Variants in COL20A1 observed in about 807,000 individuals in gnomAD.
COL20A1 encodes the protein collagen alpha-1(XX) chain.
COL20A1 carries 164 observed loss-of-function variants against 152.9 expected under a neutral mutation model. That is an observed-to-expected ratio of 1.07 (90% CI 0.94 to 1.22). The LOEUF is 1.22. Ranked by LOEUF, COL20A1 falls within the 50% of genes most tolerant of loss-of-function variation. The pLI, the probability that COL20A1 is intolerant of heterozygous loss-of-function variation, is 0.00. For synonymous variants in COL20A1, 864 were observed against 756.0 expected, an observed-to-expected ratio of 1.14 and a Z score of -2.34; for missense variants, 1,873 against 1,744.8, an observed-to-expected ratio of 1.07 and a Z score of -1.31.
In COL20A1 at chr20:63,329,626, CAG is replaced by C. The variant is rs779407307; in HGVS notation, c.3824_3825del (p.Gln1275ArgfsTer3). The C allele has an allele frequency of 6.2e-7, 1 of 1,606,112 alleles. No homozygotes were observed. The highest frequency in any genetic ancestry group is 1.3e-5 in the African/African-American group (1 of 74,842). On this transcript the variant is annotated frameshift_variant, in exon 35 of 36. Coordinates refer to ENST00000358894, the MANE Select transcript of COL20A1 (RefSeq NM_020882.4). LOFTEE classifies it high-confidence loss of function. The stretch of plus-strand genomic sequence containing the variant: ...TGGTCAGATGGGCAGCCCTGGGCAG[CAG>C]GGGGCTAGCACCCAGGGCCTCTGGG... Reference protein sequence around the residue: ...AVGQMGSPGQQGASTQGLWE With the variant: ...AVGQMGSPGQXGASTQGLWE
At chr20:63,322,834 T>C (rs530249360) in intron 27 of COL20A1, among the ~76,000 whole-genome samples, 1 of 152,312 alleles carries the variant, frequency 6.6e-6, no homozygotes, top group South Asian at 2.1e-4. Flanking sequence ...CACATCCCCG[T>C]GAGCAAAGAC....
intron 27 of COL20A1, chr20:63,325,065 C>T (rs1438883920): frequency 2.7e-6 from 1 of 370,146 alleles, no homozygotes; most frequent in East Asian, 7.1e-5. Flanking sequence ...GCTCTGCAGA[C>T]CCCTGCTGTG....
chr20:63,304,958 T>G (rs963873367), intron 3 of COL20A1, among the ~76,000 whole-genome samples: 1 of 152,186 alleles, frequency 6.6e-6, no homozygotes, highest in Admixed American at 6.5e-5. Context: ...GACCTAACTT[T>G]AGAATCATGG....
intron 2 of COL20A1, among the ~76,000 whole-genome samples, chr20:63,296,547 G>A (rs56060304): frequency 0.091 from 13,875 of 152,270 alleles, 699 homozygotes; most frequent in Non-Finnish European, 0.12. Context: ...GGAGGGGAGC[G>A]TGGTCCTGGG....
intron 21 of COL20A1, among the ~76,000 whole-genome samples, chr20:63,317,796 T>G (rs2068104396): frequency 6.6e-6 from 1 of 151,896 alleles, no homozygotes; most frequent in South Asian, 2.1e-4. Flanking sequence ...ATAGTTGCCC[T>G]CTGCCCTCCT....
At chr20:63,316,853 A>C (rs2068091691) in intron 21 of COL20A1, among the ~76,000 whole-genome samples, 162 bp downstream of exon 21, 1 of 152,230 alleles carries the variant, frequency 6.6e-6, no homozygotes, top group African/African-American at 2.4e-5. Context: ...CCCAGTACTC[A>C]CACTTCAGAA....
chr20:63,314,083 A>T lies in COL20A1; in HGVS notation c.2370A>T (p.Pro790=). ...CTCCCTTCTCCTAGGTCTCTGTGCC[A>T]GGAGCCAGGAGCCACGTGACACTGC... is the stretch of plus-strand genomic sequence containing the variant. ...GLGPEKSVSV[P]GARSHVTLPD... Residue 790 remains proline (P), a synonymous_variant, in exon 19 of 36, where the codon CCA becomes CCT. Transcript: ENST00000358894. 4 of 1,612,754 alleles carry T rather than the reference A, an allele frequency of 2.5e-6. No homozygotes were observed. The Middle Eastern group carries it at 5.0e-4, about 200-fold the overall frequency.
chr20:63,305,408 C>G lies in COL20A1; in HGVS notation c.194-9C>G, dbSNP rs2123386969. ...CTTGGCCTCTAAAGCTCTCCCCACC[C>G]CTACCCAGGGGACTCGGAACAGGAG... On this transcript the variant is annotated splice_polypyrimidine_tract_variant and intron_variant, in intron 3 of 35. Transcript: ENST00000358894. This position sits in a 1 kb window ranked among gnomAD's most constrained non-coding sequence, Gnocchi z 4.9. 1 of 1,507,188 alleles carries G rather than the reference C, an allele frequency of 6.6e-7. No homozygotes were observed. Among genetic ancestry groups the G allele is most frequent in the Non-Finnish European group, 8.8e-7 (1 of 1,131,716 alleles). The allele number at this position is 1,507,188 out of a possible 1,614,324, so 93.4% of individuals were successfully genotyped here.
intron 3 of COL20A1, among the ~76,000 whole-genome samples, 192 bp downstream of exon 3, chr20:63,298,212 G>A (rs2067823368): frequency 6.6e-6 from 1 of 152,236 alleles, no homozygotes; most frequent in Non-Finnish European, 1.5e-5. Context: ...AAGAGGGAAT[G>A]GGGCTCCTCT....
chr20:63,320,429 T>G (rs2123423392), intron 25 of COL20A1, 61 bp downstream of exon 25: 1 of 1,516,124 alleles, frequency 6.6e-7, no homozygotes, highest in Non-Finnish European at 9.1e-7. Flanking sequence ...CCACTGAGGG[T>G]CACAGTGCCT....
intron 31 of COL20A1, among the ~76,000 whole-genome samples, 187 bp downstream of exon 31, chr20:63,327,010 C>G (rs1343700803): frequency 3.9e-5 from 6 of 152,038 alleles, no homozygotes; most frequent in African/African-American, 1.2e-4. Flanking sequence ...CCTGGAACTT[C>G]CTGTTGACCC....
At chr20:63,323,903 T>C (rs2068205859) in intron 27 of COL20A1, among the ~76,000 whole-genome samples, 1 of 152,250 alleles carries the variant, frequency 6.6e-6, no homozygotes, top group South Asian at 2.1e-4. Flanking sequence ...AGTTGGTGTT[T>C]TTACTGGAAC....
At position 63,311,465 on chromosome 20, in the gene COL20A1, C is replaced by A; in HGVS notation, c.1465C>A (p.Pro489Thr). 1 of 1,574,276 alleles carries A rather than the reference C, an allele frequency of 6.4e-7. No individual in the cohort carries two copies. Among genetic ancestry groups the A allele is most frequent in the Non-Finnish European group, 8.6e-7 (1 of 1,160,458 alleles). The change falls in exon 12 of 36, where the codon CCC becomes ACC. Residue 489 changes from proline to threonine, a missense_variant. Transcript: ENST00000358894. This position sits in a 1 kb window ranked among gnomAD's most constrained non-coding sequence, Gnocchi z 4.4. ...CAGAACCGTCCACCTCACCTGGCAGCCCTCGGCCGGGGCCACCCACTACCT... is the reference window on the plus strand; with the variant it reads ...CAGAACCGTCCACCTCACCTGGCAGACCTCGGCCGGGGCCACCCACTACCT... Reference protein sequence around the residue: ...TPRTVHLTWQPSAGATHYLVR... With the variant: ...TPRTVHLTWQTSAGATHYLVR...
At position 63,328,423 on chromosome 20, in the gene COL20A1, G is replaced by C. The variant is rs752115346; in HGVS notation, c.3706G>C (p.Gly1236Arg). The C allele has an allele frequency of 3.1e-6, 5 of 1,612,450 alleles. No individual in the cohort carries two copies. The highest frequency in any genetic ancestry group is 2.2e-5 in the East Asian group (1 of 44,868). The change falls in exon 34 of 36, where the codon GGG (glycine) becomes CGG (arginine). Residue 1236 changes from glycine to arginine, a missense_variant. Physicochemically the swap from Gly to Arg is moderately radical, Grantham distance 125. Coordinates refer to ENST00000358894, the MANE Select transcript of COL20A1 (RefSeq NM_020882.4). Reference protein sequence around the residue: ...QKLEPGTEPLGSPGTRSKALV... With the variant: ...QKLEPGTEPLRSPGTRSKALV... ...GCTGGAGCCGGGCACTGAGCCCCTG[G>C]GGTCCCCTGGCACCCGCAGCAAGGC...
In COL20A1 at chr20:63,307,642, C is replaced by T; in HGVS notation, c.649C>T (p.Gln217Ter). 6.2e-7 allele frequency: 1 copy of T among 1,611,984 alleles called. No individual in the cohort carries two copies. The highest frequency in any genetic ancestry group is 8.5e-7 in the Non-Finnish European group (1 of 1,179,356). ...APFEIGPDKV[Q>*]VGLTQYSGDA... Reference sequence around the variant, plus strand: ...CTTTGAAATCGGGCCGGATAAGGTCCAAGTAGGTGGGTGCTGGCCCGGCCC... The same window carrying T: ...CTTTGAAATCGGGCCGGATAAGGTCTAAGTAGGTGGGTGCTGGCCCGGCCC... The change falls in exon 6 of 36, where the codon CAA becomes TAA. Residue 217 changes from glutamine (Q) to a stop codon, truncating the protein, a stop_gained. Coordinates refer to ENST00000358894, the MANE Select transcript of COL20A1 (RefSeq NM_020882.4). LOFTEE classifies it high-confidence loss of function.
chr20:63,329,852 A>ATGTGGGGTCACAGGG (rs527362017), intron 35 of COL20A1, among the ~76,000 whole-genome samples, 191 bp downstream of exon 35: 1 of 152,128 alleles, frequency 6.6e-6, no homozygotes, highest in Non-Finnish European at 1.5e-5. Context: ...GGCAACAGGA[A>ATGTGGGGTCACAGGG]TGTGGGGTCA....
In COL20A1 at chr20:63,311,385, GC is replaced by G. The variant is rs1385110042; in HGVS notation, c.1394-3del. On this transcript the variant is annotated splice_polypyrimidine_tract_variant and splice_region_variant and intron_variant, in intron 11 of 35. Transcript: ENST00000358894. This position sits in a 1 kb window ranked among gnomAD's most constrained non-coding sequence, Gnocchi z 4.4. Reference sequence around the variant, plus strand: ...CTCCTTCCTAAAGTGTCCCTGCATGGCCCCCCAGCACCTCTGCCTCCGCCCC... The same window carrying G: ...CTCCTTCCTAAAGTGTCCCTGCATGGCCCCCAGCACCTCTGCCTCCGCCCC... The G allele has an allele frequency of 5.1e-6, 8 of 1,574,644 alleles. No homozygotes were observed. The highest frequency in any genetic ancestry group is 6.0e-6 in the Non-Finnish European group (7 of 1,161,810).
chr20:63,316,579 C>T lies in COL20A1; in HGVS notation c.2551C>T (p.Leu851=), dbSNP rs1276139226. 1 of 1,590,210 alleles carries T rather than the reference C, an allele frequency of 6.3e-7. No homozygotes were observed. The highest frequency in any genetic ancestry group is 1.3e-5 in the African/African-American group (1 of 74,554). ...GTTTGACCTGATGGTGGCCTTCAGC[C>T]TGGTGGAAAAGGCTTATGCGTCCAT... The part of the protein sequence containing the change: ...PGFDLMVAFS[L]VEKAYASIRG... Residue 851 remains leucine (L), a synonymous_variant, in exon 21 of 36, where the codon CTG becomes TTG. Transcript: ENST00000358894.
intron 26 of COL20A1, 24 bp downstream of exon 26, chr20:63,321,123 G>A (rs1403102257): frequency 6.6e-7 from 1 of 1,526,512 alleles, no homozygotes; most frequent in East Asian, 2.4e-5. Flanking sequence ...CGTCTCCTTG[G>A]GGTGACCAGG....
Sources: allele counts gnomAD v4.1 joint callset (sites outside exome capture counted in the v4.1 genomes callset), GRCh38; gene constraint gnomAD v4.1.1; non-coding constraint Gnocchi (gnomAD v3.1); transcripts MANE v1.5; gene names NCBI Gene and HGNC (gene_info 2026-07-23, HGNC 2026-07-21).